Variants in TMPRSS11D observed in about 807,000 individuals in gnomAD.
TMPRSS11D encodes the protein transmembrane serine protease 11D.
A neutral mutation model predicts 44.4 loss-of-function variants in TMPRSS11D; 32 were observed. The observed-to-expected ratio is 0.72, with a 90% CI of 0.54 to 0.97. The LOEUF is 0.97. Among genes scored for constraint, TMPRSS11D ranks in the 50% least tolerant of loss-of-function variants. TMPRSS11D has a pLI of 0.00. For synonymous variants in TMPRSS11D, 179 were observed against 177.9 expected, an observed-to-expected ratio of 1.01 and a Z score of -0.05; for missense variants, 446 against 502.6, an observed-to-expected ratio of 0.89 and a Z score of 1.08.
chr4:67,850,953 T>C (rs896942223), intron 3 of TMPRSS11D, among the ~76,000 whole-genome samples: 1 of 152,204 alleles, frequency 6.6e-6, no homozygotes, highest in Non-Finnish European at 1.5e-5. Flanking sequence ...TGGACCCATG[T>C]GGCAGGTGAG....
At chr4:67,849,013 C>A (rs1202562300) in intron 3 of TMPRSS11D, among the ~76,000 whole-genome samples, 1 of 151,960 alleles carries the variant, frequency 6.6e-6, no homozygotes, top group East Asian at 1.9e-4. Flanking sequence ...TATTTTGGTA[C>A]CCTAGGGTAG....
At chr4:67,861,573 G>C (rs1374421521) in intron 1 of TMPRSS11D, among the ~76,000 whole-genome samples, 3 of 152,056 alleles carry the variant, frequency 2.0e-5, no homozygotes, top group Non-Finnish European at 2.9e-5. Context: ...GAGAAGAACT[G>C]TAAAGAAGGA....
At chr4:67,863,328 CAAA>C (rs561420216) in intron 1 of TMPRSS11D, among the ~76,000 whole-genome samples, 3 of 89,168 alleles carry the variant, frequency 3.4e-5, no homozygotes, top group Non-Finnish European at 7.9e-5. Context: ...TGGTCTTGCT[CAAA>C]AAAAAAAAAA....
intron 1 of TMPRSS11D, among the ~76,000 whole-genome samples, chr4:67,874,131 T>C (rs1719123082): frequency 6.6e-6 from 1 of 152,174 alleles, no homozygotes; most frequent in African/African-American, 2.4e-5. Flanking sequence ...AGTAACGTGC[T>C]ATACAGGTCT....
chr4:67,858,562 C>T (rs1718714343), intron 2 of TMPRSS11D, among the ~76,000 whole-genome samples: 1 of 151,968 alleles, frequency 6.6e-6, no homozygotes, highest in Admixed American at 6.6e-5. Flanking sequence ...TTTTATTGCA[C>T]CATTGGAAGT....
chr4:67,848,084 A>G (rs1253545023), intron 3 of TMPRSS11D, among the ~76,000 whole-genome samples: 2 of 152,246 alleles, frequency 1.3e-5, no homozygotes, highest in African/African-American at 2.4e-5. Context: ...GATAAGATTA[A>G]TTTTAAATTA....
chr4:67,860,110 A>T (rs1425090394), intron 1 of TMPRSS11D, among the ~76,000 whole-genome samples: 1 of 152,066 alleles, frequency 6.6e-6, no homozygotes, highest in Non-Finnish European at 1.5e-5. Context: ...GGTGGGAAGA[A>T]GTGTCGAGGA....
At chr4:67,823,304 CATA>C (rs979411006) in intron 9 of TMPRSS11D, among the ~76,000 whole-genome samples, 4 of 152,132 alleles carry the variant, frequency 2.6e-5, no homozygotes, top group East Asian at 1.9e-4. Flanking sequence ...ACCACCCAGT[CATA>C]ATAATGAACC....
chr4:67,836,943 C>T (rs1439438323), intron 5 of TMPRSS11D, among the ~76,000 whole-genome samples: 1 of 152,124 alleles, frequency 6.6e-6, no homozygotes. Flanking sequence ...AAAGTCCATT[C>T]TCCTTCATGA....
intron 1 of TMPRSS11D, among the ~76,000 whole-genome samples, chr4:67,873,099 GT>G (rs1217621658): frequency 1.6e-4 from 24 of 152,124 alleles, no homozygotes; most frequent in African/African-American, 4.6e-4. Context: ...AAAACTTCAT[GT>G]TTAACCTCAA....
intron 1 of TMPRSS11D, among the ~76,000 whole-genome samples, chr4:67,875,396 G>A (rs954566266): frequency 6.6e-5 from 10 of 152,038 alleles, no homozygotes; most frequent in Non-Finnish European, 1.2e-4. Context: ...CCTTCACACC[G>A]TTCTCTCCAT....
intron 3 of TMPRSS11D, among the ~76,000 whole-genome samples, chr4:67,844,494 C>T (rs1718311754): frequency 6.6e-6 from 1 of 152,044 alleles, no homozygotes; most frequent in South Asian, 2.1e-4. Flanking sequence ...AAAAGTCAGG[C>T]CAGGCACAGT....
intron 3 of TMPRSS11D, among the ~76,000 whole-genome samples, chr4:67,845,119 T>C (rs1375199568): frequency 6.6e-6 from 1 of 152,210 alleles, no homozygotes; most frequent in Non-Finnish European, 1.5e-5. Context: ...TTAACATTTC[T>C]GTTATGTGGA....
At chr4:67,822,597 T>C (rs2109652886) in intron 9 of TMPRSS11D, 99 bp from the exon 10 acceptor site, 1 of 1,311,116 alleles carries the variant, frequency 7.6e-7, no homozygotes, top group Non-Finnish European at 1.1e-6. Context: ...GTCACATTCA[T>C]TATACAAATA....
intron 2 of TMPRSS11D, among the ~76,000 whole-genome samples, chr4:67,858,173 G>A (rs1040262934): frequency 5.3e-5 from 8 of 152,058 alleles, no homozygotes; most frequent in African/African-American, 1.9e-4. Context: ...TCTTTTGATC[G>A]TTCATATGCA....
At chr4:67,863,084 TA>T (rs1186719619) in intron 1 of TMPRSS11D, among the ~76,000 whole-genome samples, 17 of 148,904 alleles carry the variant, frequency 1.1e-4, no homozygotes, top group South Asian at 1.0e-3. Flanking sequence ...AAAATAAAAA[TA>T]AAAAAAGGAA....
intron 7 of TMPRSS11D, among the ~76,000 whole-genome samples, chr4:67,829,649 A>G (rs1306126597): frequency 1.3e-5 from 2 of 152,054 alleles, no homozygotes; most frequent in Non-Finnish European, 2.9e-5. Context: ...TGTAGAATAT[A>G]TTTTAAAAGT....
rs10020722 is a variant in TMPRSS11D at position 67,873,247 on chromosome 4, T to A, written c.8+10679A>T. ...ACATTTATTTCTGAAATACCCAGCA[T>A]TTTGAGGAGCACAGTATTCCCAGAA... On this transcript the variant is annotated intron_variant, in intron 1 of 9. Transcript: ENST00000283916. Among the ~76,000 whole-genome samples the A allele has an allele frequency of 4.7e-3, 721 of 152,286 alleles. 5 individuals are homozygous for A. Among genetic ancestry groups the A allele is most frequent in the African/African-American group, 0.017 (699 of 41,558 alleles).
chr4:67,849,763 G>C (rs1325396514), intron 3 of TMPRSS11D, among the ~76,000 whole-genome samples: 2 of 152,128 alleles, frequency 1.3e-5, no homozygotes, highest in Non-Finnish European at 2.9e-5. Flanking sequence ...TTAACACTTT[G>C]TCTATGGGAT....
Sources: allele counts gnomAD v4.1 joint callset (sites outside exome capture counted in the v4.1 genomes callset), GRCh38; gene constraint gnomAD v4.1.1; transcripts MANE v1.5; gene names NCBI Gene and HGNC (gene_info 2026-07-23, HGNC 2026-07-21).